POTEI: variants seen among roughly 807,000 people sequenced by gnomAD.
The protein encoded by POTEI is POTE ankyrin domain family, member I.
In POTEI, 14 loss-of-function variants were observed where a neutral mutation model predicts 43.4. The ratio of observed to expected loss-of-function variants is 0.32; its 90% CI spans 0.21 to 0.50. The LOEUF is 0.50. Ranked by LOEUF, POTEI falls within the 20% of genes least tolerant of loss-of-function variation. The probability of loss-of-function intolerance (pLI) is 0.98; values close to 1 mark genes in which losing one functional copy is unlikely to be tolerated. For missense variants in POTEI, 235 were observed against 795.4 expected (o/e 0.30, Z 8.47); for synonymous variants, 95 against 297.9 (o/e 0.32, Z 7.01).
At chr2:130,504,943 T>C (rs6431160) in intron 1 of POTEI, among the ~76,000 whole-genome samples, 77,805 of 79,402 alleles carry the variant, frequency 0.98, 38,183 homozygotes, top group East Asian at 1. Flanking sequence ...ATACATGTGC[T>C]GGATGTGCAG....
At position 130,484,325 on chromosome 2, in the gene POTEI, T is replaced by C. The variant is rs1404402667; in HGVS notation, c.1410-2252A>G. On this transcript the variant is annotated intron_variant, in intron 9 of 14. Coordinates refer to ENST00000451531, the MANE Select transcript of POTEI (RefSeq NM_001277406.2). The stretch of plus-strand genomic sequence containing the variant: ...TTGAAGTTAGAGATGATAAATCACT[T>C]TGTTTCATTGAACCTTGCCTTGATT... 1.4e-5 allele frequency among the ~76,000 whole-genome samples: 2 copies of C among 142,482 alleles called. 1 individual carries two copies. Among genetic ancestry groups the C allele is most frequent in the African/African-American group, 5.3e-5 (2 of 37,680 alleles). 93.5% of individuals were successfully genotyped at this position (142,482 alleles called of 152,430 possible).
intron 9 of POTEI, among the ~76,000 whole-genome samples, chr2:130,484,255 C>T (rs1337504420): frequency 3.2e-4 from 48 of 148,902 alleles, no homozygotes; most frequent in African/African-American, 8.8e-4. Flanking sequence ...CTCTAAGAAA[C>T]GATGACATAA....
intron 9 of POTEI, among the ~76,000 whole-genome samples, chr2:130,483,825 C>T (rs1235064189): frequency 3.3e-5 from 5 of 150,482 alleles, no homozygotes; most frequent in East Asian, 2.0e-4. Context: ...TCGTGATCCG[C>T]CTGCCTCGGC....
rs1683831975 is a variant in POTEI at position 130,493,892 on chromosome 2, C to A, written c.1126+2660G>T. Among the ~76,000 whole-genome samples the A allele has an allele frequency of 5.6e-5, 2 of 35,850 alleles. 1 individual carries two copies. The highest frequency in any genetic ancestry group is 7.0e-4 in the Admixed American group (2 of 2,846). The allele number at this position is 35,850 out of a possible 152,430, so 23.5% of individuals were successfully genotyped here. On this transcript the variant is annotated intron_variant, in intron 6 of 14. Transcript: ENST00000451531. ...ATATTAAAACAAGTAGTTGAGATTC[C>A]TAACTTTATGTATTTCACTAAGGAC...
At chr2:130,496,664 CT>C (rs1365929761) in intron 5 of POTEI, 42 bp from the exon 6 acceptor site, 2 of 1,495,086 alleles carry the variant, frequency 1.3e-6, no homozygotes, top group Middle Eastern at 4.8e-4. Flanking sequence ...TATTTTAATA[CT>C]GATATAAAAA....
rs777958234 is a variant in POTEI, at chr2:130,508,912, G to C, written c.324C>G (p.Cys108Trp). 8.8e-6 allele frequency: 14 copies of C among 1,594,324 alleles called. No homozygotes were observed. The highest frequency in any genetic ancestry group is 1.2e-5 in the Non-Finnish European group (14 of 1,173,510). ...CGTTGCTCTTGCCGCTCCCCCTGCA[G>C]CAGGGGAAGCAGTGGCAGCACCACT... ...MGKWCCHCFP[C>W]CRGSGKSNVG... The change falls in exon 1 of 15, where the codon TGC (cysteine) becomes TGG (tryptophan). Residue 108 changes from cysteine (C) to tryptophan (W), a missense_variant. Cys to Trp is a radical substitution (Grantham distance 215). Coordinates refer to ENST00000451531, the MANE Select transcript of POTEI (RefSeq NM_001277406.2).
rs555512671 is a variant in POTEI at position 130,508,834 on chromosome 2, G to C, written c.402C>G (p.His134Gln). The part of the protein sequence containing the change: ...DDSAFVEPRY[H>Q]VRREDLDKLH... ...GCTTGTCCAGATCTTCTCGACGGAC[G>C]TGGTATCTCGGCTCCACGAAGGCGC... Residue 134 changes from histidine (H) to glutamine (Q), a missense_variant, in exon 1 of 15, where the codon CAC becomes CAG. His to Gln is a conservative substitution (Grantham distance 24). Coordinates refer to ENST00000451531, the MANE Select transcript of POTEI (RefSeq NM_001277406.2). The C allele has an allele frequency of 1.6e-4, 248 of 1,544,602 alleles. 6 individuals are homozygous for C. In the African/African-American group the frequency reaches 3.5e-3, roughly 22 times the overall value.
chr2:130,485,778 T>C lies in POTEI; in HGVS notation c.1409+2254A>G, dbSNP rs113407314. 2.2e-4 allele frequency among the ~76,000 whole-genome samples: 2 copies of C among 9,006 alleles called. 1 individual carries two copies. Among genetic ancestry groups the C allele is most frequent in the African/African-American group, 2.4e-4 (2 of 8,354 alleles). The allele number at this position is 9,006 out of a possible 152,430, so 5.9% of individuals were successfully genotyped here. On this transcript the variant is annotated intron_variant, in intron 9 of 14. Transcript: ENST00000451531. ...AAATGCATAATTTACAGAAAAAAAATTGTGATAATCTTGAGGAAAAACAAT... is the reference window on the plus strand; with the variant it reads ...AAATGCATAATTTACAGAAAAAAAACTGTGATAATCTTGAGGAAAAACAAT...
At position 130,482,946 on chromosome 2, in the gene POTEI, A is replaced by AT. The variant is rs3047656; in HGVS notation, c.1410-874dup. 3.5e-4 allele frequency among the ~76,000 whole-genome samples: 2 copies of AT among 5,716 alleles called. 1 individual carries two copies. The highest frequency in any genetic ancestry group is 3.8e-4 in the African/African-American group (2 of 5,314). The allele number at this position is 5,716 out of a possible 152,430, so 3.7% of individuals were successfully genotyped here. ...CATGGGAGATGAAAACCCTACTTTT[A>AT]TTTTTTTTTTTTTAGGTTCCACGAA... On this transcript the variant is annotated intron_variant, in intron 9 of 14. Coordinates refer to ENST00000451531, the MANE Select transcript of POTEI (RefSeq NM_001277406.2).
At chr2:130,477,074 C>T (rs191500999) in intron 10 of POTEI, among the ~76,000 whole-genome samples, 1 of 150,486 alleles carries the variant, frequency 6.6e-6, no homozygotes, top group African/African-American at 2.5e-5. Flanking sequence ...ACTGCTGACA[C>T]CTTTATTAGT....
intron 13 of POTEI, among the ~76,000 whole-genome samples, chr2:130,468,563 GTGAGAA>G (rs1682931117): frequency 6.6e-6 from 1 of 151,896 alleles, no homozygotes; most frequent in Non-Finnish European, 1.5e-5. Flanking sequence ...GTCAGCTCTT[GTGAGAA>G]CTCACTCACT....
chr2:130,481,180 T>C (rs1191317128), intron 10 of POTEI, among the ~76,000 whole-genome samples: 64 of 4,810 alleles, frequency 0.013, 30 homozygotes, highest in African/African-American at 0.014. Context: ...TTGTACATTA[T>C]GACAATCTTT....
chr2:130,483,502 T>G lies in POTEI; in HGVS notation c.1410-1429A>C, dbSNP rs982454277. Among the ~76,000 whole-genome samples, 18 of 142,774 alleles carry G rather than the reference T, an allele frequency of 1.3e-4. 2 individuals carry two copies. Among genetic ancestry groups the G allele is most frequent in the African/African-American group, 5.0e-4 (18 of 36,314 alleles). The allele number at this position is 142,774 out of a possible 152,430, so 93.7% of individuals were successfully genotyped here. On this transcript the variant is annotated intron_variant, in intron 9 of 14. Transcript: ENST00000451531. ...GGCTTTTCTCCCTAAATAAAAAAAT[T>G]AATATAAACAATGTAGCTTATTATA...
intron 1 of POTEI, among the ~76,000 whole-genome samples, chr2:130,504,873 T>C (rs1365471578): frequency 1.8e-4 from 26 of 144,716 alleles, no homozygotes; most frequent in African/African-American, 5.1e-4. Context: ...TAAATTTTCT[T>C]GTTTTAAAAT....
intron 10 of POTEI, among the ~76,000 whole-genome samples, chr2:130,479,190 C>T (rs891559197): frequency 6.8e-6 from 1 of 147,530 alleles, no homozygotes; most frequent in Non-Finnish European, 1.5e-5. Context: ...TTTATATTCC[C>T]ACTGCCACTG....
chr2:130,508,693 C>G, intron 1 of POTEI, 22 bp downstream of exon 1: 1 of 929,744 alleles, frequency 1.1e-6, no homozygotes, highest in Non-Finnish European at 1.5e-6. Flanking sequence ...CTCCCACCTC[C>G]TCCCAGCCCA....
In POTEI at chr2:130,507,299, TATATATATATATATATATACACACAC is replaced by T. The variant is rs1282545048; in HGVS notation, c.521+1390_521+1415del. On this transcript the variant is annotated intron_variant, in intron 1 of 14. Coordinates refer to ENST00000451531, the MANE Select transcript of POTEI (RefSeq NM_001277406.2). The stretch of plus-strand genomic sequence containing the variant: ...ATATATATATATATATATATATATA[TATATATATATATATATATACACACAC>T]ACACACACACACATATATATGTATA... 3.9e-4 allele frequency among the ~76,000 whole-genome samples: 4 copies of T among 10,224 alleles called. No homozygotes were observed. In the Non-Finnish European group the frequency reaches 5.7e-3, roughly 15 times the overall value. The allele number at this position is 10,224 out of a possible 152,430, so 6.7% of individuals were successfully genotyped here. A position where few individuals can be genotyped will look rare whatever the true frequency, so the allele number is the denominator to read the frequency against.
chr2:130,484,255 C>G (rs1337504420), intron 9 of POTEI, among the ~76,000 whole-genome samples: 1 of 148,814 alleles, frequency 6.7e-6, no homozygotes, highest in African/African-American at 2.5e-5. Flanking sequence ...CTCTAAGAAA[C>G]GATGACATAA....
At chr2:130,508,672 C>T in intron 1 of POTEI, 43 bp downstream of exon 1, 2 of 738,840 alleles carry the variant, frequency 2.7e-6, no homozygotes, top group South Asian at 1.9e-5. Flanking sequence ...ATGTCCCCAT[C>T]ATCCCCCGAC....
Sources: gnomAD v4.1 joint callset for allele counts (sites outside exome capture counted in the v4.1 genomes callset) on GRCh38, gnomAD v4.1.1 for gene constraint, MANE v1.5 for transcripts, NCBI Gene and HGNC (gene_info 2026-07-23, HGNC 2026-07-21) for gene names.